PTPRT: variants seen among roughly 807,000 people sequenced by gnomAD.
PTPRT encodes protein tyrosine phosphatase receptor type T.
In PTPRT, 56 loss-of-function variants were observed where a neutral mutation model predicts 176.8. That is an observed-to-expected ratio of 0.32 (90% confidence interval 0.26 to 0.40). The LOEUF (loss-of-function observed/expected upper bound fraction) is 0.40. Among genes scored for constraint, PTPRT ranks in the 10% least tolerant of loss-of-function variants. The pLI is 1.00. For synonymous variants in PTPRT, 783 were observed against 739.0 expected (o/e 1.06, Z -0.96); for missense variants, 1,540 against 1,908.2 (o/e 0.81, Z 3.60).
At chr20:42,995,663 G>A (rs1263323847) in intron 1 of PTPRT, among the ~76,000 whole-genome samples, 1 of 152,090 alleles carries the variant, frequency 6.6e-6, no homozygotes, top group Non-Finnish European at 1.5e-5. Flanking sequence ...CACACTCTCA[G>A]AACACAGGAT....
chr20:42,672,790 G>C (rs574210223), intron 7 of PTPRT, among the ~76,000 whole-genome samples: 1 of 152,178 alleles, frequency 6.6e-6, no homozygotes, highest in South Asian at 2.1e-4. Context: ...CTTAATCAGT[G>C]ACCTCTCAAA....
intron 11 of PTPRT, among the ~76,000 whole-genome samples, chr20:42,350,220 T>TGTTTTG (rs1469462105): frequency 2.0e-5 from 1 of 51,224 alleles, no homozygotes; most frequent in African/African-American, 7.1e-5. Flanking sequence ...TCTTGTTTTT[T>TGTTTTG]TTTTTTTTTT....
At chr20:42,438,674 T>C (rs2059284864) in intron 9 of PTPRT, among the ~76,000 whole-genome samples, 1 of 152,166 alleles carries the variant, frequency 6.6e-6, no homozygotes, top group Non-Finnish European at 1.5e-5. Flanking sequence ...CTTATTCACA[T>C]GTGCGCAGTG....
chr20:42,649,286 C>T (rs866698373), intron 7 of PTPRT, among the ~76,000 whole-genome samples: 6 of 152,098 alleles, frequency 3.9e-5, no homozygotes, highest in African/African-American at 1.4e-4. Context: ...TCTCGTGAGG[C>T]TTATTCACTA....
chr20:42,690,429 A>T (rs1600615311), intron 6 of PTPRT, among the ~76,000 whole-genome samples: 1 of 152,208 alleles, frequency 6.6e-6, no homozygotes, highest in East Asian at 1.9e-4. Flanking sequence ...CTGGAGAGGC[A>T]GAGGCAGAGG....
the PTPRT span, among the ~76,000 whole-genome samples, chr20:42,049,882 G>A: frequency 2.6e-5 from 4 of 152,184 alleles, no homozygotes; most frequent in African/African-American, 7.2e-5. Context: ...CAAGTTGAGG[G>A]GAGGCAAGAG....
chr20:43,155,843 AT>A (rs1006643275), intron 1 of PTPRT, among the ~76,000 whole-genome samples: 3 of 152,184 alleles, frequency 2.0e-5, no homozygotes, highest in Non-Finnish European at 4.4e-5. Flanking sequence ...ATTAAAATAA[AT>A]TTTTTTAATG....
intron 1 of PTPRT, among the ~76,000 whole-genome samples, chr20:42,919,681 TAC>T (rs1340694230): frequency 6.6e-6 from 1 of 152,216 alleles, no homozygotes; most frequent in East Asian, 1.9e-4. Flanking sequence ...GAATTAAAGT[TAC>T]AGAGACTTAA....
chr20:42,775,832 G>A (rs958037343), intron 4 of PTPRT, among the ~76,000 whole-genome samples: 1 of 152,226 alleles, frequency 6.6e-6, no homozygotes, highest in Admixed American at 6.5e-5. Context: ...GACAGAAAGG[G>A]ATAATTAAAA....
intron 6 of PTPRT, among the ~76,000 whole-genome samples, chr20:42,684,134 C>G (rs1287470883): frequency 6.6e-6 from 1 of 152,180 alleles, no homozygotes; most frequent in Non-Finnish European, 1.5e-5. Context: ...AGGAGGATCA[C>G]TTGAGGTCAG....
In PTPRT at chr20:42,432,410, G is replaced by A. The variant is rs371387954; in HGVS notation, c.1560+15810C>T. 5.1e-4 allele frequency among the ~76,000 whole-genome samples: 78 copies of A among 152,102 alleles called. 1 individual carries two copies. Among genetic ancestry groups the A allele is most frequent in the Non-Finnish European group, 2.9e-5 (2 of 68,012 alleles). The stretch of plus-strand genomic sequence containing the variant: ...TCTTTGGTACTTTTGTAAACTAAAC[G>A]TAAAATCCTAAGCTCCCAACCAACT... On this transcript the variant is annotated intron_variant, in intron 9 of 30. Coordinates refer to ENST00000373187, the MANE Select transcript of PTPRT (RefSeq NM_007050.6).
At chr20:42,361,280 G>T (rs1178865436) in intron 9 of PTPRT, among the ~76,000 whole-genome samples, 1 of 152,216 alleles carries the variant, frequency 6.6e-6, no homozygotes, top group African/African-American at 2.4e-5. Context: ...GAGGCCCAAG[G>T]TGGTGAAGGT....
At chr20:42,984,710 C>T (rs1364214355) in intron 1 of PTPRT, among the ~76,000 whole-genome samples, 1 of 152,140 alleles carries the variant, frequency 6.6e-6, no homozygotes, top group Non-Finnish European at 1.5e-5. Context: ...TAAATAGGCT[C>T]AGAGAAGTTC....
chr20:42,580,887 A>G (rs1005943393), intron 7 of PTPRT, among the ~76,000 whole-genome samples: 18 of 152,106 alleles, frequency 1.2e-4, no homozygotes, highest in African/African-American at 4.3e-4. Context: ...CTAATTGAAT[A>G]CCCTTTATTT....
intron 2 of PTPRT, among the ~76,000 whole-genome samples, chr20:42,795,930 T>C (rs1301435374): frequency 6.6e-6 from 1 of 152,238 alleles, no homozygotes; most frequent in East Asian, 1.9e-4. Flanking sequence ...CAACAGCAGG[T>C]AACAGTGAGC....
At chr20:42,400,453 C>A (rs144813956) in intron 9 of PTPRT, among the ~76,000 whole-genome samples, 7 of 152,184 alleles carry the variant, frequency 4.6e-5, no homozygotes, top group African/African-American at 9.6e-5. Context: ...ATTTAAATGA[C>A]TTCTACATTT....
intron 7 of PTPRT, among the ~76,000 whole-genome samples, chr20:42,507,156 A>G (rs1340140148): frequency 6.6e-6 from 1 of 152,194 alleles, no homozygotes; most frequent in Admixed American, 6.5e-5. Flanking sequence ...GGCCCAAGAT[A>G]TGAATTGGGA....
At chr20:42,235,251 TTTATTA>T (rs34004795) in intron 15 of PTPRT, among the ~76,000 whole-genome samples, 9 of 150,426 alleles carry the variant, frequency 6.0e-5, no homozygotes, top group South Asian at 2.1e-4. Flanking sequence ...GTTGTTGTTA[TTTATTA>T]TTATTATTAT....
intron 7 of PTPRT, among the ~76,000 whole-genome samples, chr20:42,648,820 G>GTTTTTTTTT (rs68036487): frequency 2.0e-4 from 22 of 111,834 alleles, no homozygotes; most frequent in Admixed American, 1.5e-3. Flanking sequence ...TGGTGTCGTT[G>GTTTTTTTTT]TTTTTTTTTT....
Sources: allele counts gnomAD v4.1 joint callset (sites outside exome capture counted in the v4.1 genomes callset), GRCh38; gene constraint gnomAD v4.1.1; transcripts MANE v1.5; gene names NCBI Gene and HGNC (gene_info 2026-07-23, HGNC 2026-07-21).